The following VOPP1 variants were observed in gnomAD, a reference collection of about 807,000 sequenced individuals.
The protein encoded by VOPP1 is WW domain binding protein VOPP1.
VOPP1 carries 8 observed loss-of-function variants against 23.5 expected under a neutral mutation model. That is an observed-to-expected ratio of 0.34 (90% CI 0.20 to 0.61). The LOEUF (loss-of-function observed/expected upper bound fraction) is 0.61, where lower values mean the gene tolerates loss of function less well. Among genes scored for constraint, VOPP1 ranks in the 20% least tolerant of loss-of-function variants. The probability of loss-of-function intolerance (pLI) is 0.78; values close to 1 mark genes in which losing one functional copy is unlikely to be tolerated. For synonymous variants in VOPP1, 83 were observed against 97.3 expected (o/e 0.85, Z 0.86); for missense variants, 174 against 238.1 (o/e 0.73, Z 1.77).
intron 1 of VOPP1, among the ~76,000 whole-genome samples, chr7:55,533,125 T>C (rs1032156431): frequency 6.6e-6 from 1 of 152,176 alleles, no homozygotes; most frequent in African/African-American, 2.4e-5. Context: ...TTGATGCCAG[T>C]TCTGTCTCTC....
intron 4 of VOPP1, among the ~76,000 whole-genome samples, chr7:55,476,297 G>A (rs1792244249): frequency 6.6e-6 from 1 of 152,166 alleles, no homozygotes; most frequent in African/African-American, 2.4e-5. Flanking sequence ...GACACGCTGT[G>A]ATGTTAACTG....
chr7:55,445,216 GAC>G (rs145051208), intron 4 of VOPP1, among the ~76,000 whole-genome samples: 4,060 of 102,424 alleles, frequency 0.04, 132 homozygotes, highest in African/African-American at 0.11. Flanking sequence ...CACACACACA[GAC>G]ACACACACAC....
At chr7:55,520,962 G>T in intron 2 of VOPP1, 110 bp downstream of exon 2, 1 of 1,181,852 alleles carries the variant, frequency 8.5e-7, no homozygotes, top group Non-Finnish European at 1.2e-6. Context: ...CCGCAGCAGA[G>T]GCTGGGCCAC....
chr7:55,469,890 A>G (rs1791731783), downstream of VOPP1, among the ~76,000 whole-genome samples: 1 of 152,176 alleles, frequency 6.6e-6, no homozygotes, highest in Admixed American at 6.5e-5. Context: ...CCATGCTTTA[A>G]GAAGGCAAAA....
chr7:55,508,956 T>C (rs1794902401), intron 2 of VOPP1, among the ~76,000 whole-genome samples: 1 of 152,122 alleles, frequency 6.6e-6, no homozygotes, highest in South Asian at 2.1e-4. Context: ...GGTGAGAGGA[T>C]CGCTTGAGTC....
chr7:55,521,502 T>G (rs905745564), intron 1 of VOPP1: 1 of 1,030,836 alleles, frequency 9.7e-7, no homozygotes, highest in Non-Finnish European at 1.2e-6. Flanking sequence ...AATTTCTGTT[T>G]TAGAGAGACA....
intron 4 of VOPP1, among the ~76,000 whole-genome samples, chr7:55,447,239 A>C (rs900691052): frequency 1.3e-5 from 2 of 152,200 alleles, no homozygotes; most frequent in Non-Finnish European, 2.9e-5. Flanking sequence ...CAGTTGGGTA[A>C]ACCAAGCAAC....
At chr7:55,513,097 C>A (rs772828830) in intron 2 of VOPP1, among the ~76,000 whole-genome samples, 1 of 152,072 alleles carries the variant, frequency 6.6e-6, no homozygotes, top group Non-Finnish European at 1.5e-5. Flanking sequence ...CACGCTCCAA[C>A]AGGAAACTTG....
chr7:55,480,612 A>C (rs1792632837), intron 4 of VOPP1, among the ~76,000 whole-genome samples: 1 of 151,792 alleles, frequency 6.6e-6, no homozygotes, highest in Non-Finnish European at 1.5e-5. Flanking sequence ...AATTTTACCC[A>C]CTCTTTATAT....
chr7:55,478,912 G>A (rs540650420), intron 4 of VOPP1, among the ~76,000 whole-genome samples: 29 of 152,288 alleles, frequency 1.9e-4, no homozygotes, highest in Middle Eastern at 6.8e-3. Context: ...GGACCCAGGC[G>A]GACCTCTCTC....
intron 1 of VOPP1, among the ~76,000 whole-genome samples, chr7:55,559,494 C>T (rs1043737520): frequency 1.3e-5 from 2 of 152,134 alleles, no homozygotes; most frequent in Non-Finnish European, 2.9e-5. Context: ...ATTTTGAAGT[C>T]CAGCTCCTTT....
At chr7:55,521,826 C>A (rs887380686) in intron 1 of VOPP1, 10 of 983,858 alleles carry the variant, frequency 1.0e-5, no homozygotes, top group Admixed American at 6.2e-5. Context: ...AAACCTCCAG[C>A]AAGTGAGGCA....
downstream of VOPP1, among the ~76,000 whole-genome samples, chr7:55,469,021 A>G (rs547963090): frequency 2.0e-5 from 3 of 152,350 alleles, no homozygotes; most frequent in Non-Finnish European, 4.4e-5. Context: ...TTTAAAGTAC[A>G]CTAGTTTTTA....
At chr7:55,507,381 G>GT (rs1182963623) in intron 2 of VOPP1, among the ~76,000 whole-genome samples, 1 of 152,080 alleles carries the variant, frequency 6.6e-6, no homozygotes, top group Non-Finnish European at 1.5e-5. Context: ...GAGCTGGTGG[G>GT]TGGGGGGTGT....
chr7:55,567,364 T>C (rs898519546), intron 1 of VOPP1, among the ~76,000 whole-genome samples: 1 of 152,168 alleles, frequency 6.6e-6, no homozygotes, highest in African/African-American at 2.4e-5. Context: ...AGAGTTAAGG[T>C]AGACTAGGGA....
intron 1 of VOPP1, among the ~76,000 whole-genome samples, chr7:55,557,122 AT>A (rs1364458248): frequency 1.3e-5 from 2 of 152,122 alleles, no homozygotes; most frequent in African/African-American, 4.8e-5. Flanking sequence ...CTTTGTACTT[AT>A]TTAAATGCTC....
At chr7:55,502,812 G>C (rs546485282) in intron 2 of VOPP1, among the ~76,000 whole-genome samples, 11 of 152,266 alleles carry the variant, frequency 7.2e-5, no homozygotes, top group African/African-American at 2.4e-4. Context: ...GACGTCGCAA[G>C]ACTACACCTT....
intron 4 of VOPP1, among the ~76,000 whole-genome samples, chr7:55,449,945 C>T (rs1791202066): frequency 6.6e-6 from 1 of 152,222 alleles, no homozygotes; most frequent in Non-Finnish European, 1.5e-5. Flanking sequence ...ACATGTCACC[C>T]TTGAGGCGTA....
intron 4 of VOPP1, among the ~76,000 whole-genome samples, chr7:55,475,589 T>A (rs1345076012): frequency 6.6e-6 from 1 of 152,172 alleles, no homozygotes; most frequent in Non-Finnish European, 1.5e-5. Flanking sequence ...GGGGACAATC[T>A]GCACAGAGGT....
Sources: gnomAD v4.1 joint callset for allele counts (sites outside exome capture counted in the v4.1 genomes callset) on GRCh38, gnomAD v4.1.1 for gene constraint, MANE v1.5 for transcripts, NCBI Gene and HGNC (gene_info 2026-07-23, HGNC 2026-07-21) for gene names.